TUSC3: variants seen among roughly 807,000 people sequenced by gnomAD.
The protein encoded by TUSC3 is dolichyl-diphosphooligosaccharide--protein glycosyltransferase subunit TUSC3.
In TUSC3, 45 loss-of-function variants were observed where a neutral mutation model predicts 44.8. The observed-to-expected ratio is 1.00, with a 90% CI of 0.79 to 1.29. The LOEUF (loss-of-function observed/expected upper bound fraction) is 1.29. TUSC3 is among the 50% of genes most tolerant of loss of function. TUSC3 has a pLI of 0.00. For missense variants in TUSC3, 519 were observed against 437.9 expected, an observed-to-expected ratio of 1.19 and a Z score of -1.65; for synonymous variants, 212 against 152.9, an observed-to-expected ratio of 1.39 and a Z score of -2.85.
chr8:15,457,352 T>C, intron 1 of TUSC3, among the ~76,000 whole-genome samples: 1 of 151,538 alleles, frequency 6.6e-6, no homozygotes, highest in African/African-American at 2.4e-5. Context: ...CAAAAACAAA[T>C]AGAAAAGTAG....
At chr8:15,599,226 T>G (rs969983316) in intron 1 of TUSC3, among the ~76,000 whole-genome samples, 2 of 151,912 alleles carry the variant, frequency 1.3e-5, no homozygotes, top group Non-Finnish European at 2.9e-5. Context: ...TTTGTATATC[T>G]TCTTTGGTGA....
chr8:15,696,194 G>C (rs1336135835), intron 6 of TUSC3, among the ~76,000 whole-genome samples: 1 of 152,172 alleles, frequency 6.6e-6, no homozygotes, highest in African/African-American at 2.4e-5. Context: ...GCTGGGCTCA[G>C]GGTCCTCGTG....
intron 2 of TUSC3, among the ~76,000 whole-genome samples, chr8:15,517,649 G>A (rs1336304430): frequency 6.6e-6 from 1 of 150,534 alleles, no homozygotes; most frequent in African/African-American, 2.5e-5. Context: ...ACCTCAAAAG[G>A]AGACTTGTCT....
chr8:15,843,621 T>TATATATATATATATACACACAC, the TUSC3 span, among the ~76,000 whole-genome samples: 27 of 146,764 alleles, frequency 1.8e-4, no homozygotes, highest in African/African-American at 6.6e-4. Flanking sequence ...TATATATATA[T>TATATATATATATATACACACAC]ACACGCACAT....
At chr8:15,810,476 G>A in the TUSC3 span, among the ~76,000 whole-genome samples, 134,160 of 151,848 alleles carry the variant, frequency 0.88, 59,382 homozygotes, top group African/African-American at 0.92. Flanking sequence ...ACTCTCTACA[G>A]ATAATTAAAA....
the TUSC3 span, among the ~76,000 whole-genome samples, chr8:15,829,159 T>C: frequency 1.3e-5 from 2 of 152,198 alleles, no homozygotes; most frequent in Non-Finnish European, 2.9e-5. Context: ...GCATGGTGTA[T>C]GTACTGCAAC....
rs374472753 is a variant in TUSC3, at chr8:15,692,215, T to A, written c.798+18379T>A. The stretch of plus-strand genomic sequence containing the variant: ...TTAACTTTTTGATGTACTGCTGGAT[T>A]TAGTTTGCTAGTATTTTGTTGAGGA... On this transcript the variant is annotated intron_variant, in intron 6 of 10. Transcript: ENST00000503731. Among the ~76,000 whole-genome samples the A allele has an allele frequency of 2.6e-5, 4 of 152,156 alleles. No homozygotes were observed. In the East Asian group the frequency reaches 5.8e-4, roughly 22 times the overall value.
At chr8:15,537,837 T>C (rs916848656), upstream of TUSC3, among the ~76,000 whole-genome samples, 3 of 152,206 alleles carry the variant, frequency 2.0e-5, no homozygotes, top group Admixed American at 1.3e-4. Context: ...ATGTTGAGTA[T>C]ATCTAGATGT....
intron 10 of TUSC3, among the ~76,000 whole-genome samples, chr8:15,762,971 G>A (rs1043020353): frequency 4.6e-5 from 7 of 151,954 alleles, no homozygotes; most frequent in African/African-American, 1.5e-4. Flanking sequence ...AAGTAGAGGC[G>A]ACGTCTCATT....
intron 1 of TUSC3, among the ~76,000 whole-genome samples, chr8:15,457,865 AAATTAATTAG>A (rs1800280429): frequency 1.8e-5 from 1 of 56,294 alleles, no homozygotes; most frequent in African/African-American, 5.6e-5. Flanking sequence ...ATTATCTAAT[AAATTAATTAG>A]ATAATTACTA....
At chr8:15,705,075 A>G (rs886234196) in intron 6 of TUSC3, among the ~76,000 whole-genome samples, 1 of 151,124 alleles carries the variant, frequency 6.6e-6, no homozygotes, top group African/African-American at 2.4e-5. Flanking sequence ...TTGTATTTTC[A>G]TGACCCATTT....
intron 5 of TUSC3, among the ~76,000 whole-genome samples, chr8:15,667,350 C>T (rs1297337935): frequency 6.6e-6 from 1 of 151,446 alleles, no homozygotes; most frequent in Non-Finnish European, 1.5e-5. Flanking sequence ...TTCTGTATAA[C>T]ACTGAAACCA....
chr8:15,814,959 T>C, the TUSC3 span, among the ~76,000 whole-genome samples: 1 of 152,172 alleles, frequency 6.6e-6, no homozygotes, highest in Non-Finnish European at 1.5e-5. Context: ...TACAACAAAT[T>C]GTTTGTTGTT....
At chr8:15,574,819 G>A (rs891887568) in intron 1 of TUSC3, among the ~76,000 whole-genome samples, 1 of 152,074 alleles carries the variant, frequency 6.6e-6, no homozygotes, top group African/African-American at 2.4e-5. Flanking sequence ...TTTTATCCAG[G>A]TGTAAATCAC....
intron 1 of TUSC3, among the ~76,000 whole-genome samples, chr8:15,438,315 C>T (rs144304679): frequency 6.6e-6 from 1 of 152,292 alleles, no homozygotes; most frequent in African/African-American, 2.4e-5. Context: ...AGGCTAGTCT[C>T]AAACTCCAGA....
At chr8:15,784,212 G>A in the TUSC3 span, among the ~76,000 whole-genome samples, 2 of 152,142 alleles carry the variant, frequency 1.3e-5, no homozygotes, top group Non-Finnish European at 2.9e-5. Flanking sequence ...TGGTGAGGAT[G>A]TGGAGAAAAG....
chr8:15,659,052 TACTTATA>T (rs1233831613), intron 3 of TUSC3, among the ~76,000 whole-genome samples: 2 of 152,162 alleles, frequency 1.3e-5, no homozygotes, highest in East Asian at 3.8e-4. Flanking sequence ...GAATTCAATC[TACTTATA>T]ACTTGTTGGA....
chr8:15,566,788 T>C (rs1414353077), intron 1 of TUSC3, among the ~76,000 whole-genome samples: 7 of 152,104 alleles, frequency 4.6e-5, no homozygotes. Context: ...CATGACTGGT[T>C]AATTTGTGTG....
At chr8:15,563,583 G>A (rs1035905969) in intron 1 of TUSC3, among the ~76,000 whole-genome samples, 6 of 151,152 alleles carry the variant, frequency 4.0e-5, no homozygotes, top group Admixed American at 3.3e-4. Context: ...CTACTCAGGA[G>A]GCTGAGGCAG....
Sources: allele counts gnomAD v4.1 joint callset (sites outside exome capture counted in the v4.1 genomes callset), GRCh38; gene constraint gnomAD v4.1.1; transcripts MANE v1.5; gene names NCBI Gene and HGNC (gene_info 2026-07-23, HGNC 2026-07-21).